Variants in ADCY10 observed in about 807,000 individuals in gnomAD.
ADCY10 encodes adenylate cyclase 10.
In ADCY10, 156 loss-of-function variants were observed where a neutral mutation model predicts 183.3. The observed-to-expected ratio is 0.85, with a 90% CI of 0.75 to 0.97. The LOEUF is 0.97. Ranked by LOEUF, ADCY10 falls within the 50% of genes least tolerant of loss-of-function variation. The pLI is 0.00. For synonymous variants in ADCY10, 645 were observed against 670.0 expected (o/e 0.96, Z 0.58); for missense variants, 1,745 against 1,934.3 (o/e 0.90, Z 1.84).
intron 13 of ADCY10, among the ~76,000 whole-genome samples, chr1:167,872,436 T>C (rs203820): frequency 0.44 from 66,197 of 151,682 alleles, 15,097 homozygotes; most frequent in African/African-American, 0.56. Flanking sequence ...GAACACCTAC[T>C]GGTAGAACCT....
intron 18 of ADCY10, among the ~76,000 whole-genome samples, chr1:167,853,605 T>C (rs1665657896): frequency 6.6e-6 from 1 of 152,106 alleles, no homozygotes; most frequent in South Asian, 2.1e-4. Flanking sequence ...TTCCCTGCAA[T>C]AAAATTATTT....
intron 24 of ADCY10, 32 bp downstream of exon 24, chr1:167,833,938 C>T (rs1663987595): frequency 1.3e-6 from 2 of 1,532,618 alleles, no homozygotes; most frequent in East Asian, 2.2e-5. Flanking sequence ...AGATATATAA[C>T]AGATAAATTC....
In ADCY10 at chr1:167,876,648, A is replaced by C. The variant is rs114855732; in HGVS notation, c.1407-1462T>G. ...CCACTTTTATCTGCAGAGGTGGTAC[A>C]GAAAAATCATGAAGAGTACAGGCTT... On this transcript the variant is annotated intron_variant, in intron 12 of 32. Coordinates refer to ENST00000367851, the MANE Select transcript of ADCY10 (RefSeq NM_018417.6). 9.7e-3 allele frequency among the ~76,000 whole-genome samples: 1,477 copies of C among 152,356 alleles called. 9 individuals are homozygous for C. Among genetic ancestry groups the C allele is most frequent in the Non-Finnish European group, 0.016 (1,111 of 68,036 alleles).
chr1:167,870,246 A>T lies in ADCY10; in HGVS notation c.1616+11T>A. Reference sequence around the variant, plus strand: ...TGGGTTCACACAGAACAATCATTCCAAGACACTCACCTGTGATTCTTACCT... The same window carrying T: ...TGGGTTCACACAGAACAATCATTCCTAGACACTCACCTGTGATTCTTACCT... On this transcript the variant is annotated intron_variant, in intron 14 of 32. Transcript: ENST00000367851. 1 of 1,613,994 alleles carries T rather than the reference A, an allele frequency of 6.2e-7. No individual in the cohort carries two copies. Among genetic ancestry groups the T allele is most frequent in the Non-Finnish European group, 8.5e-7 (1 of 1,179,960 alleles).
intron 7 of ADCY10, among the ~76,000 whole-genome samples, chr1:167,896,315 G>A (rs535467003): frequency 2.0e-4 from 30 of 152,244 alleles, no homozygotes; most frequent in African/African-American, 5.3e-4. Context: ...AAAGCAGCAC[G>A]GAAAGAAGCT....
chr1:167,828,819 G>A (rs1663499107), intron 26 of ADCY10, among the ~76,000 whole-genome samples: 1 of 151,998 alleles, frequency 6.6e-6, no homozygotes, highest in African/African-American at 2.4e-5. Context: ...AAAATTAGCT[G>A]GGTGTGGTGG....
At chr1:167,876,342 C>T (rs1374556064) in intron 12 of ADCY10, among the ~76,000 whole-genome samples, 12 of 152,018 alleles carry the variant, frequency 7.9e-5, no homozygotes, top group Admixed American at 5.2e-4. Context: ...TGCCCAAGAC[C>T]CCATAGCAGG....
chr1:167,896,461 C>T (rs1668980610), intron 7 of ADCY10, 134 bp downstream of exon 7: 2 of 768,612 alleles, frequency 2.6e-6, no homozygotes, highest in African/African-American at 1.7e-5. Context: ...GGAAGTAGGT[C>T]CCCTTTGTGT....
At chr1:167,860,779 G>A (rs1366148157) in intron 15 of ADCY10, 92 bp downstream of exon 15, 13 of 1,089,672 alleles carry the variant, frequency 1.2e-5, no homozygotes, top group Non-Finnish European at 4.3e-6. Flanking sequence ...CAGATATACA[G>A]ACCAAAGAGA....
chr1:167,902,493 T>G (rs1440382202), intron 3 of ADCY10, among the ~76,000 whole-genome samples: 1 of 152,236 alleles, frequency 6.6e-6, no homozygotes, highest in Admixed American at 6.5e-5. Flanking sequence ...CATAGTCACT[T>G]GCATTTTTGG....
chr1:167,905,225 A>C, intron 1 of ADCY10, 27 bp from the exon 2 acceptor site: 3 of 1,423,372 alleles, frequency 2.1e-6, no homozygotes, highest in South Asian at 1.2e-5. Context: ...AATAGAGGAA[A>C]TCTGATATAT....
intron 1 of ADCY10, 129 bp downstream of exon 1, chr1:167,913,847 C>T (rs571003694): frequency 1.2e-4 from 18 of 152,354 alleles, no homozygotes; most frequent in African/African-American, 4.3e-4. Context: ...GAGGTATACA[C>T]AAACTTGAAC....
chr1:167,827,129 A>G (rs114563515), intron 26 of ADCY10, among the ~76,000 whole-genome samples: 1 of 151,900 alleles, frequency 6.6e-6, no homozygotes, highest in Non-Finnish European at 1.5e-5. Flanking sequence ...AATTCTTGAC[A>G]ACTAATGACT....
At chr1:167,852,857 G>A (rs1665600607) in intron 18 of ADCY10, among the ~76,000 whole-genome samples, 1 of 152,154 alleles carries the variant, frequency 6.6e-6, no homozygotes, top group Admixed American at 6.5e-5. Context: ...GTGCCCTTGG[G>A]GGCCACATGG....
At chr1:167,863,222 G>A (rs1303823688) in intron 14 of ADCY10, among the ~76,000 whole-genome samples, 1 of 152,108 alleles carries the variant, frequency 6.6e-6, no homozygotes, top group Admixed American at 6.5e-5. Flanking sequence ...ACCTAAGCTC[G>A]GTAGTTAAAA....
intron 31 of ADCY10, among the ~76,000 whole-genome samples, chr1:167,812,894 A>AAGG (rs1483903336): frequency 2.6e-5 from 4 of 152,212 alleles, no homozygotes; most frequent in African/African-American, 9.6e-5. Flanking sequence ...GAGGGATTCA[A>AAGG]AGGCAGAATT....
intron 29 of ADCY10, 150 bp from the exon 30 acceptor site, chr1:167,822,291 C>T: frequency 1.4e-6 from 1 of 724,142 alleles, no homozygotes; most frequent in Non-Finnish European, 2.5e-6. Context: ...GCAACAACCT[C>T]ATGACTGGAT....
Position 167,824,475 on chromosome 1 carries a change from C to T in ADCY10, c.4052+1G>A. On this transcript the variant is annotated splice_donor_variant, in intron 28 of 32. Coordinates refer to ENST00000367851, the MANE Select transcript of ADCY10 (RefSeq NM_018417.6). LOFTEE classifies it high-confidence loss of function. The stretch of plus-strand genomic sequence containing the variant: ...TTTGGAAAATGCTTTAAGATAAATA[C>T]CTGCTGTTCAGAAGGAGACATCTGC... 6.2e-7 allele frequency: 1 copy of T among 1,613,774 alleles called. No homozygotes were observed. Among genetic ancestry groups the T allele is most frequent in the Non-Finnish European group, 8.5e-7 (1 of 1,179,748 alleles).
intron 30 of ADCY10, among the ~76,000 whole-genome samples, chr1:167,821,793 G>A (rs1007175745): frequency 4.6e-5 from 7 of 152,150 alleles, no homozygotes; most frequent in Admixed American, 1.3e-4. Context: ...ATATGTTTGC[G>A]ATAAATGTTT....
Sources: gnomAD v4.1 joint callset for allele counts (sites outside exome capture counted in the v4.1 genomes callset) on GRCh38, gnomAD v4.1.1 for gene constraint, MANE v1.5 for transcripts, NCBI Gene and HGNC (gene_info 2026-07-23, HGNC 2026-07-21) for gene names.